GMPR: variants seen among roughly 807,000 people sequenced by gnomAD.
The protein encoded by GMPR is GMP reductase 1.
A neutral mutation model predicts 38.4 loss-of-function variants in GMPR; 31 were observed. The observed-to-expected ratio is 0.81, with a 90% CI of 0.61 to 1.09. The LOEUF is 1.09. GMPR is among the 50% of genes least tolerant of loss of function. The pLI is 0.00. For synonymous variants in GMPR, 162 were observed against 173.3 expected, an observed-to-expected ratio of 0.93 and a Z score of 0.51; for missense variants, 468 against 453.7, an observed-to-expected ratio of 1.03 and a Z score of -0.29.
At chr6:16,293,085 G>A (rs144510613) in intron 8 of GMPR, among the ~76,000 whole-genome samples, 4 of 152,058 alleles carry the variant, frequency 2.6e-5, no homozygotes, top group East Asian at 3.9e-4. Flanking sequence ...AATGCTTCCC[G>A]ACTTTGACAA....
rs749984472 is a variant in GMPR at position 16,274,515 on chromosome 6, A to G, written c.547+19A>G. On this transcript the variant is annotated intron_variant, in intron 5 of 8. Coordinates refer to ENST00000259727, the MANE Select transcript of GMPR (RefSeq NM_006877.4). The stretch of plus-strand genomic sequence containing the variant: ...GGACCAGGTAAGACTTGTTAGGAGC[A>G]CAGCAGAGGACGTGTGTGGGGAAGA... The G allele has an allele frequency of 7.2e-7, 1 of 1,384,918 alleles. No homozygotes were observed. The highest frequency in any genetic ancestry group is 1.0e-6 in the Non-Finnish European group (1 of 970,612). 85.8% of individuals were successfully genotyped at this position (1,384,918 alleles called of 1,614,324 possible).
chr6:16,239,872 T>C (rs1367174377), intron 1 of GMPR, among the ~76,000 whole-genome samples: 2 of 152,236 alleles, frequency 1.3e-5, no homozygotes, highest in African/African-American at 4.8e-5. Context: ...TTGGCTGGTT[T>C]GGAGCCCGGC....
chr6:16,270,873 G>A (rs945945959), intron 4 of GMPR, among the ~76,000 whole-genome samples: 1 of 152,184 alleles, frequency 6.6e-6, no homozygotes, highest in East Asian at 1.9e-4. Context: ...CTAAAGCGGC[G>A]TCAGCCTTCT....
intron 4 of GMPR, among the ~76,000 whole-genome samples, chr6:16,268,693 CT>C (rs1759319735): frequency 6.6e-6 from 1 of 152,110 alleles, no homozygotes; most frequent in South Asian, 2.1e-4. Context: ...AAGGATTTTT[CT>C]TGCAAGAGGA....
chr6:16,246,112 G>A lies in GMPR; in HGVS notation c.88-730G>A, dbSNP rs188927408. Among the ~76,000 whole-genome samples the A allele has an allele frequency of 2.3e-3, 354 of 152,294 alleles. 2 individuals carry two copies. Among genetic ancestry groups the A allele is most frequent in the Middle Eastern group, 6.8e-3 (2 of 294 alleles). The stretch of plus-strand genomic sequence containing the variant: ...CTGCCGTGGGTCAGAGAAGTAATTC[G>A]GACTCTTCTAGCTCTTGGTGAGTTC... On this transcript the variant is annotated intron_variant, in intron 1 of 8. Coordinates refer to ENST00000259727, the MANE Select transcript of GMPR (RefSeq NM_006877.4).
At chr6:16,293,657 G>A (rs1285858669) in intron 8 of GMPR, among the ~76,000 whole-genome samples, 2 of 152,222 alleles carry the variant, frequency 1.3e-5, no homozygotes, top group Non-Finnish European at 2.9e-5. Context: ...AATTAGCTGG[G>A]AGTGGTGGCA....
At chr6:16,277,106 G>C (rs773362697) in intron 5 of GMPR, among the ~76,000 whole-genome samples, 2 of 152,120 alleles carry the variant, frequency 1.3e-5, no homozygotes, top group African/African-American at 2.4e-5. Flanking sequence ...TTATTCTGCC[G>C]TGCACAACGT....
intron 2 of GMPR, among the ~76,000 whole-genome samples, chr6:16,247,212 G>A (rs1758774611): frequency 6.6e-6 from 1 of 152,124 alleles, no homozygotes; most frequent in Admixed American, 6.5e-5. Context: ...GATACAAAAA[G>A]AAGCTAGACA....
intron 7 of GMPR, among the ~76,000 whole-genome samples, chr6:16,287,104 C>T (rs1759700308): frequency 6.6e-6 from 1 of 152,124 alleles, no homozygotes; most frequent in Admixed American, 6.5e-5. Context: ...CTGATTCCAG[C>T]TTCCTATTTT....
chr6:16,259,998 T>C (rs558299765), intron 4 of GMPR, among the ~76,000 whole-genome samples: 2 of 98,276 alleles, frequency 2.0e-5, no homozygotes. Context: ...GGATGACAAG[T>C]TTTTTTGGGG....
At chr6:16,283,577 G>A (rs1759616394) in intron 6 of GMPR, among the ~76,000 whole-genome samples, 1 of 152,110 alleles carries the variant, frequency 6.6e-6, no homozygotes, top group East Asian at 1.9e-4. Context: ...AGCGGATGAC[G>A]CCATAAATAT....
At chr6:16,270,288 C>A (rs2113690687) in intron 4 of GMPR, among the ~76,000 whole-genome samples, 1 of 152,326 alleles carries the variant, frequency 6.6e-6, no homozygotes, top group East Asian at 1.9e-4. Flanking sequence ...TCAGAAACCT[C>A]CATCTGCCTG....
intron 7 of GMPR, among the ~76,000 whole-genome samples, chr6:16,289,236 AT>A (rs1332256887): frequency 3.9e-5 from 6 of 152,184 alleles, no homozygotes; most frequent in Non-Finnish European, 2.9e-5. Flanking sequence ...GCGCCACCTT[AT>A]AGAGCTGTTA....
intron 3 of GMPR, among the ~76,000 whole-genome samples, chr6:16,250,864 A>AG (rs1315162875): frequency 6.0e-5 from 9 of 149,894 alleles, no homozygotes; most frequent in Non-Finnish European, 1.0e-4. Flanking sequence ...CAACATAGTG[A>AG]GGGGTCTCTT....
chr6:16,256,454 G>A (rs959988090), intron 4 of GMPR, among the ~76,000 whole-genome samples: 2 of 146,828 alleles, frequency 1.4e-5, no homozygotes, highest in Admixed American at 6.8e-5. Flanking sequence ...GCTCGAACCC[G>A]GGAGGCAAAG....
intron 3 of GMPR, among the ~76,000 whole-genome samples, chr6:16,252,918 A>G (rs536913123): frequency 2.4e-4 from 37 of 152,358 alleles, no homozygotes; most frequent in African/African-American, 8.7e-4. Context: ...CTGCAGCCAC[A>G]TTGTTATCAT....
At chr6:16,275,944 C>A (rs1243449627) in intron 5 of GMPR, among the ~76,000 whole-genome samples, 1 of 152,020 alleles carries the variant, frequency 6.6e-6, no homozygotes, top group South Asian at 2.1e-4. Flanking sequence ...GTGGTATGCA[C>A]CTGTAGTCTC....
At chr6:16,242,786 G>C (rs2113666030) in intron 1 of GMPR, among the ~76,000 whole-genome samples, 1 of 152,224 alleles carries the variant, frequency 6.6e-6, no homozygotes, top group Admixed American at 6.5e-5. Context: ...TTATAGGCAT[G>C]CACCACCACG....
intron 3 of GMPR, among the ~76,000 whole-genome samples, chr6:16,251,208 G>A (rs779682932): frequency 6.6e-5 from 10 of 152,218 alleles, no homozygotes; most frequent in African/African-American, 1.9e-4. Context: ...TTGTTCAACC[G>A]TAAGAAGGAG....
Sources: allele counts gnomAD v4.1 joint callset (sites outside exome capture counted in the v4.1 genomes callset), GRCh38; gene constraint gnomAD v4.1.1; transcripts MANE v1.5; gene names NCBI Gene and HGNC (gene_info 2026-07-23, HGNC 2026-07-21).